Variants in ACSF3 observed in about 807,000 individuals in gnomAD.
ACSF3 encodes the protein acyl-CoA synthetase family member 3.
Under a neutral mutation model 53.2 loss-of-function variants are expected in ACSF3, and 78 were observed. That is an observed-to-expected ratio of 1.47 (90% confidence interval 1.22 to 1.77). The LOEUF is 1.77. ACSF3 is among the 40% of genes most tolerant of loss of function. The pLI is 0.00. For synonymous variants in ACSF3, 414 were observed against 333.1 expected (o/e 1.24, Z -2.65); for missense variants, 937 against 771.1 (o/e 1.22, Z -2.55).
chr16:89,099,137 C>G (rs1248739917), intron 2 of ACSF3, among the ~76,000 whole-genome samples: 1 of 152,248 alleles, frequency 6.6e-6, no homozygotes, highest in African/African-American at 2.4e-5. Flanking sequence ...AGAGTGCCAC[C>G]CCTTCTTCTC....
chr16:89,104,615 C>T (rs1267177273), intron 4 of ACSF3, among the ~76,000 whole-genome samples: 1 of 152,214 alleles, frequency 6.6e-6, no homozygotes, highest in Non-Finnish European at 1.5e-5. Context: ...CTTCCCTCTG[C>T]TTCTCCTGCC....
chr16:89,096,310 G>A (rs1269958255), intron 1 of ACSF3, among the ~76,000 whole-genome samples: 3 of 152,230 alleles, frequency 2.0e-5, no homozygotes, highest in Non-Finnish European at 4.4e-5. Context: ...TCCTGGTGGT[G>A]ATGGGGAGCC....
chr16:89,145,673 G>T (rs573816840), intron 9 of ACSF3, among the ~76,000 whole-genome samples: 1 of 152,236 alleles, frequency 6.6e-6, no homozygotes, highest in African/African-American at 2.4e-5. Flanking sequence ...GCAGGAAGGT[G>T]GCAGGGAGAG....
At chr16:89,103,617 TGTAGG>T (rs1363417389) in intron 4 of ACSF3, among the ~76,000 whole-genome samples, 1 of 152,190 alleles carries the variant, frequency 6.6e-6, no homozygotes, top group East Asian at 1.9e-4. Context: ...ACATTCGGGG[TGTAGG>T]GCGTAGGGCG....
At chr16:89,139,576 C>T (rs965695259) in intron 8 of ACSF3, among the ~76,000 whole-genome samples, 5 of 150,952 alleles carry the variant, frequency 3.3e-5, no homozygotes, top group African/African-American at 1.2e-4. Context: ...TGGTGACCCC[C>T]TCCTTTTTTT....
At chr16:89,138,091 G>T (rs537257350) in intron 8 of ACSF3, among the ~76,000 whole-genome samples, 1 of 152,108 alleles carries the variant, frequency 6.6e-6, no homozygotes, top group Non-Finnish European at 1.5e-5. Context: ...AGCCCCAGCC[G>T]CCGGGGATTC....
chr16:89,126,103 T>A (rs1375401259), intron 7 of ACSF3, among the ~76,000 whole-genome samples: 1 of 152,246 alleles, frequency 6.6e-6, no homozygotes, highest in Non-Finnish European at 1.5e-5. Flanking sequence ...TGTCTCTCCA[T>A]TTAGATATAC....
Position 89,120,867 on chromosome 16 carries a change from C to G in ACSF3, c.1193C>G (p.Ala398Gly), listed in dbSNP as rs1317843667. Residue 398 changes from alanine (A) to glycine (G), a missense_variant, in exon 7 of 11, where the codon GCC (alanine) becomes GGC (glycine). Ala to Gly is a moderately conservative substitution (Grantham distance 60, BLOSUM62 0). Coordinates refer to ENST00000614302, the MANE Select transcript of ACSF3 (RefSeq NM_001243279.3). ...RIVSENPQRE[A>G]CSYTIHAEGD... ...GTCTCAGAAAACCCACAGAGGGAAGCCTGCTCCTACACCATCCACGCAGAG... is the reference window on the plus strand; with the variant it reads ...GTCTCAGAAAACCCACAGAGGGAAGGCTGCTCCTACACCATCCACGCAGAG... 1 of 1,614,138 alleles carries G rather than the reference C, an allele frequency of 6.2e-7. No individual in the cohort carries two copies. The highest frequency in any genetic ancestry group is 2.2e-5 in the East Asian group (1 of 44,890).
Position 89,155,625 on chromosome 16 carries a change from A to G in ACSF3, c.*1418A>G. 2.2e-6 allele frequency: 1 copy of G among 454,014 alleles called. No individual in the cohort carries two copies. Among genetic ancestry groups the G allele is most frequent in the South Asian group, 1.6e-5 (1 of 64,470 alleles). The allele number at this position is 454,014 out of a possible 1,614,324, so 28.1% of individuals were successfully genotyped here. On this transcript the variant is annotated 3_prime_UTR_variant, in exon 11 of 11. Transcript: ENST00000614302. ...GGAAGGGGTCCCGCCCTCCCGCCAG[A>G]GGCCTGGACCCAAGGGAACGGCAGT...
chr16:89,123,799 C>A (rs7189805), intron 7 of ACSF3, among the ~76,000 whole-genome samples: 107,606 of 152,062 alleles, frequency 0.71, 38,583 homozygotes, highest in Middle Eastern at 0.78. Context: ...CTGGACCCTC[C>A]CCAGGTGGCA....
rs183787599 is a variant in ACSF3, at chr16:89,155,943, G to T, written c.*1736G>T. 11 of 365,392 alleles carry T rather than the reference G, an allele frequency of 3.0e-5. No individual in the cohort carries two copies. The highest frequency in any genetic ancestry group is 4.8e-5 in the Non-Finnish European group (9 of 187,880). 22.6% of individuals were successfully genotyped at this position (365,392 alleles called of 1,614,324 possible). A position where few individuals can be genotyped will look rare whatever the true frequency, so the allele number is the denominator to read the frequency against. On this transcript the variant is annotated 3_prime_UTR_variant, in exon 11 of 11. Transcript: ENST00000614302. ...GCCTGGAGCTCATTGACCAGAAACT[G>T]CAGAGAGCCTGGAGCTCGTTGACCA...
intron 6 of ACSF3, among the ~76,000 whole-genome samples, chr16:89,118,237 C>T (rs376070986): frequency 1.5e-4 from 22 of 151,346 alleles, no homozygotes; most frequent in Non-Finnish European, 2.2e-4. Flanking sequence ...TTCCCTGGGG[C>T]GCCGGGGACG....
At chr16:89,125,958 C>G (rs998522695) in intron 7 of ACSF3, among the ~76,000 whole-genome samples, 29 of 152,252 alleles carry the variant, frequency 1.9e-4, no homozygotes, top group African/African-American at 6.3e-4. Context: ...CGGTATGTCT[C>G]TCCATTTACT....
At chr16:89,097,437 C>T (rs1237903887) in intron 1 of ACSF3, among the ~76,000 whole-genome samples, 1 of 152,226 alleles carries the variant, frequency 6.6e-6, no homozygotes, top group Non-Finnish European at 1.5e-5. Context: ...TCCGAGCACC[C>T]AAGGCACTCC....
intron 1 of ACSF3, among the ~76,000 whole-genome samples, chr16:89,094,460 G>A (rs1351646097): frequency 6.6e-6 from 1 of 152,210 alleles, no homozygotes; most frequent in African/African-American, 2.4e-5. Context: ...GTAGATCTAT[G>A]AGCAAGCAAT....
rs1306008936 is a variant in ACSF3 at position 89,145,309 on chromosome 16, G to A, written c.1409G>A (p.Gly470Asp). The A allele has an allele frequency of 6.2e-7, 1 of 1,614,194 alleles. No individual in the cohort carries two copies. Residue 470 changes from glycine to aspartate, a missense_variant, in exon 9 of 11, where the codon GGC (glycine) becomes GAC (aspartate). Coordinates refer to ENST00000614302, the MANE Select transcript of ACSF3 (RefSeq NM_001243279.3). ...VFKDGQYWIR[G>D]RTSVDIIKTG... Reference sequence around the variant, plus strand: ...AAGGATGGCCAGTACTGGATCCGAGGCCGGACCTCAGTGGACATCATCAAG... The same window carrying A: ...AAGGATGGCCAGTACTGGATCCGAGACCGGACCTCAGTGGACATCATCAAG...
rs1291430665 is a variant in ACSF3 at position 89,093,920 on chromosome 16, C to G, written c.-270C>G. On this transcript the variant is annotated 5_prime_UTR_variant, in exon 1 of 11. Transcript: ENST00000614302. ...GACCCGGCCGGAACCCGGCCCGACC[C>G]CGGCGCGCGCGCGGCGGAGGACGAG... 6.1e-6 allele frequency: 2 copies of G among 328,900 alleles called. No homozygotes were observed. Among genetic ancestry groups the G allele is most frequent in the African/African-American group, 2.2e-5 (1 of 44,830 alleles). The allele number at this position is 328,900 out of a possible 1,614,324, so 20.4% of individuals were successfully genotyped here.
chr16:89,151,762 A>G (rs1914119204), intron 10 of ACSF3: 1 of 152,958 alleles, frequency 6.5e-6, no homozygotes, highest in Non-Finnish European at 1.5e-5. Flanking sequence ...GCGCACCACC[A>G]TGCACAGCTA....
intron 6 of ACSF3, among the ~76,000 whole-genome samples, chr16:89,120,110 G>A (rs140781627): frequency 0.016 from 2,371 of 152,344 alleles, 32 homozygotes; most frequent in Non-Finnish European, 0.027. Context: ...GCGAGGCTGC[G>A]GCAGCCCTGC....
Sources: gnomAD v4.1 joint callset for allele counts (sites outside exome capture counted in the v4.1 genomes callset) on GRCh38, gnomAD v4.1.1 for gene constraint, MANE v1.5 for transcripts, NCBI Gene and HGNC (gene_info 2026-07-23, HGNC 2026-07-21) for gene names.